The following RAB38 variants were observed in gnomAD, a reference collection of about 807,000 sequenced individuals.
The protein encoded by RAB38 is RAB38, member RAS oncogene family.
A neutral mutation model predicts 18.4 loss-of-function variants in RAB38; 15 were observed. The ratio of observed to expected loss-of-function variants is 0.82; its 90% CI spans 0.55 to 1.26. RAB38 has a LOEUF of 1.26. RAB38 is among the 50% of genes most tolerant of loss of function. RAB38 has a pLI of 0.00. For synonymous variants in RAB38, 101 were observed against 104.4 expected, an observed-to-expected ratio of 0.97 and a Z score of 0.20; for missense variants, 294 against 267.4, an observed-to-expected ratio of 1.10 and a Z score of -0.69.
chr11:87,827,840 T>G, the RAB38 span, among the ~76,000 whole-genome samples: 1 of 152,108 alleles, frequency 6.6e-6, no homozygotes, highest in African/African-American at 2.4e-5. Flanking sequence ...CCTTACGAAA[T>G]AGCGAAGGAA....
intron 1 of RAB38, chr11:88,167,584 G>C (rs1172492467): frequency 6.6e-6 from 1 of 152,114 alleles, no homozygotes; most frequent in Admixed American, 6.6e-5. Context: ...AGATGGATGA[G>C]ATATTTATTT....
the RAB38 span, among the ~76,000 whole-genome samples, chr11:87,806,849 T>C: frequency 6.6e-6 from 1 of 152,210 alleles, no homozygotes; most frequent in Non-Finnish European, 1.5e-5. Context: ...TTTTTAGTCC[T>C]GAAATCTTAC....
At chr11:88,108,940 T>C (rs1565206021), downstream of RAB38, among the ~76,000 whole-genome samples, 1 of 152,356 alleles carries the variant, frequency 6.6e-6, no homozygotes, top group East Asian at 1.9e-4. Flanking sequence ...AAAATTCTTT[T>C]CTTTAAGAAT....
chr11:87,886,835 T>C, the RAB38 span, among the ~76,000 whole-genome samples: 2 of 151,466 alleles, frequency 1.3e-5, no homozygotes, highest in African/African-American at 2.4e-5. Flanking sequence ...TTTTTTTTTT[T>C]TTTTTCTTTT....
chr11:87,977,785 A>C, the RAB38 span, among the ~76,000 whole-genome samples: 4 of 112,776 alleles, frequency 3.5e-5, no homozygotes, highest in African/African-American at 1.4e-4. Context: ...ATATTATATC[A>C]TAGTTATATA....
At chr11:88,170,803 C>T (rs1313864791) in intron 1 of RAB38, among the ~76,000 whole-genome samples, 2 of 152,170 alleles carry the variant, frequency 1.3e-5, no homozygotes, top group African/African-American at 2.4e-5. Context: ...AGCAAAGAAA[C>T]ACTCGAAACA....
At chr11:88,072,508 A>G in the RAB38 span, among the ~76,000 whole-genome samples, 2 of 152,186 alleles carry the variant, frequency 1.3e-5, no homozygotes, top group East Asian at 3.8e-4. Flanking sequence ...AATGGCACAG[A>G]AAAAATAAAT....
chr11:87,839,140 C>A, the RAB38 span, among the ~76,000 whole-genome samples: 1 of 152,170 alleles, frequency 6.6e-6, no homozygotes, highest in African/African-American at 2.4e-5. Flanking sequence ...GGTTTTTATA[C>A]ATTTTGCTGT....
the RAB38 span, among the ~76,000 whole-genome samples, chr11:88,054,052 T>A: frequency 8.5e-5 from 13 of 152,204 alleles, no homozygotes; most frequent in Non-Finnish European, 1.9e-4. Context: ...GTTCACGAAC[T>A]GCGAAGAATG....
At chr11:87,947,026 A>G in the RAB38 span, among the ~76,000 whole-genome samples, 3 of 151,912 alleles carry the variant, frequency 2.0e-5, no homozygotes, top group South Asian at 2.1e-4. Flanking sequence ...AAGTGTTCCT[A>G]TTTCTCCACA....
chr11:88,053,228 G>A, the RAB38 span, among the ~76,000 whole-genome samples: 76 of 67,172 alleles, frequency 1.1e-3, no homozygotes, highest in Non-Finnish European at 1.4e-3. Flanking sequence ...ACATATATAT[G>A]GAATATATAT....
At chr11:88,012,593 C>A in the RAB38 span, among the ~76,000 whole-genome samples, 4 of 152,100 alleles carry the variant, frequency 2.6e-5, no homozygotes, top group African/African-American at 9.7e-5. Context: ...ACAAGGCTCC[C>A]AAAAGCCATC....
chr11:88,146,625 A>T (rs75096716), intron 2 of RAB38, among the ~76,000 whole-genome samples: 18 of 152,304 alleles, frequency 1.2e-4, no homozygotes, highest in African/African-American at 4.3e-4. Flanking sequence ...TTTATCAGAG[A>T]TCTTTAAAAA....
chr11:88,037,353 A>G, the RAB38 span, among the ~76,000 whole-genome samples: 2 of 152,068 alleles, frequency 1.3e-5, no homozygotes, highest in African/African-American at 2.4e-5. Context: ...GCATAATTAC[A>G]TAATAGTGGT....
the RAB38 span, among the ~76,000 whole-genome samples, chr11:87,872,974 G>C: frequency 1.3e-5 from 2 of 151,482 alleles, no homozygotes; most frequent in Non-Finnish European, 3.0e-5. Context: ...CAAATAATTT[G>C]AACACAATTA....
the RAB38 span, among the ~76,000 whole-genome samples, chr11:87,891,398 T>G: frequency 6.6e-6 from 1 of 151,864 alleles, no homozygotes; most frequent in Non-Finnish European, 1.5e-5. Flanking sequence ...GAAGAATGAC[T>G]ACCACTTAAT....
chr11:88,091,626 T>C, the RAB38 span, among the ~76,000 whole-genome samples: 1 of 151,998 alleles, frequency 6.6e-6, no homozygotes, highest in Non-Finnish European at 1.5e-5. Context: ...TCAAGACCAT[T>C]TTGCTGTCTC....
chr11:87,945,159 A>C, the RAB38 span, among the ~76,000 whole-genome samples: 1 of 152,146 alleles, frequency 6.6e-6, no homozygotes, highest in African/African-American at 2.4e-5. Context: ...TTTTCTTTCG[A>C]GAGTAGAATT....
At chr11:87,967,218 T>C in the RAB38 span, among the ~76,000 whole-genome samples, 72 of 152,308 alleles carry the variant, frequency 4.7e-4, no homozygotes, top group African/African-American at 1.7e-3. Flanking sequence ...GCAGCACTTC[T>C]AGCTTGGCAT....
Sources: allele counts gnomAD v4.1 joint callset (sites outside exome capture counted in the v4.1 genomes callset), GRCh38; gene constraint gnomAD v4.1.1; transcripts MANE v1.5; gene names NCBI Gene and HGNC (gene_info 2026-07-23, HGNC 2026-07-21).